CSMD3: variants seen among roughly 807,000 people sequenced by gnomAD.
The protein encoded by CSMD3 is CUB and Sushi multiple domains 3.
In CSMD3, 177 loss-of-function variants were observed where a neutral mutation model predicts 435.2. The ratio of observed to expected loss-of-function variants is 0.41; its 90% CI spans 0.36 to 0.46. The LOEUF (loss-of-function observed/expected upper bound fraction) is 0.46, where lower values mean the gene tolerates loss of function less well. CSMD3 is among the 20% of genes least tolerant of loss of function. CSMD3 has a pLI of 0.34. For missense variants in CSMD3, 4,265 were observed against 4,504.6 expected, an observed-to-expected ratio of 0.95 and a Z score of 1.52; for synonymous variants, 1,656 against 1,520.5, an observed-to-expected ratio of 1.09 and a Z score of -2.07.
intron 52 of CSMD3, among the ~76,000 whole-genome samples, chr8:112,303,090 G>T (rs1252173244): frequency 1.3e-5 from 2 of 151,990 alleles, no homozygotes; most frequent in African/African-American, 4.8e-5. Context: ...TTGAAAACCT[G>T]ATTAAATGAG....
intron 3 of CSMD3, among the ~76,000 whole-genome samples, chr8:113,229,048 C>T (rs2093057056): frequency 6.6e-6 from 1 of 151,556 alleles, no homozygotes; most frequent in African/African-American, 2.4e-5. Context: ...TCATGTATCT[C>T]CTTACTTTAG....
At chr8:113,330,495 T>C (rs1216188884) in intron 1 of CSMD3, among the ~76,000 whole-genome samples, 1 of 151,760 alleles carries the variant, frequency 6.6e-6, no homozygotes, top group Non-Finnish European at 1.5e-5. Context: ...GAATAAACAC[T>C]CCAATTAAAT....
intron 1 of CSMD3, among the ~76,000 whole-genome samples, chr8:113,424,454 C>CT (rs983640060): frequency 1.3e-5 from 2 of 151,392 alleles, no homozygotes; most frequent in African/African-American, 4.8e-5. Flanking sequence ...AATTTTCTTG[C>CT]TTTTTTTAGG....
At chr8:112,791,916 G>A (rs2078702629) in intron 13 of CSMD3, among the ~76,000 whole-genome samples, 1 of 152,050 alleles carries the variant, frequency 6.6e-6, no homozygotes, top group Admixed American at 6.6e-5. Flanking sequence ...ACTCTAGTGG[G>A]TATGTAGTAG....
rs182712086 is a variant in CSMD3, at chr8:112,420,569, T to C, written c.5396-11537A>G. ...TGTGTTGCTAATGTTACTTTTAATA[T>C]ATAAAATCTATAACCCACATCTTAT... On this transcript the variant is annotated intron_variant, in intron 32 of 70. Coordinates refer to ENST00000297405, the MANE Select transcript of CSMD3 (RefSeq NM_198123.2). Among the ~76,000 whole-genome samples, 75 of 152,272 alleles carry C rather than the reference T, an allele frequency of 4.9e-4. 1 individual carries two copies. The highest frequency in any genetic ancestry group is 3.4e-3 in the Middle Eastern group (1 of 294).
chr8:112,414,002 T>C (rs972973198), intron 32 of CSMD3, among the ~76,000 whole-genome samples: 2 of 152,142 alleles, frequency 1.3e-5, no homozygotes, highest in African/African-American at 2.4e-5. Flanking sequence ...CCAACAGTAC[T>C]GTTAGGGTGG....
chr8:112,235,676 C>T (rs927948029), intron 67 of CSMD3, among the ~76,000 whole-genome samples: 5 of 152,054 alleles, frequency 3.3e-5, no homozygotes, highest in Non-Finnish European at 7.4e-5. Context: ...TTCATTCTAA[C>T]TTAATTGTTC....
At chr8:112,319,123 T>C (rs777565430) in intron 46 of CSMD3, among the ~76,000 whole-genome samples, 173 bp from the exon 47 acceptor site, 1 of 152,124 alleles carries the variant, frequency 6.6e-6, no homozygotes, top group Non-Finnish European at 1.5e-5. Context: ...CAGTATATAA[T>C]ACTCATTGAC....
At position 112,921,744 on chromosome 8, in the gene CSMD3, A is replaced by G; in HGVS notation, c.1516T>C (p.Ser506Pro). 6.2e-7 allele frequency: 1 copy of G among 1,608,092 alleles called. No individual in the cohort carries two copies. Among genetic ancestry groups the G allele is most frequent in the Non-Finnish European group, 8.5e-7 (1 of 1,174,860 alleles). Residue 506 changes from serine (S) to proline (P), a missense_variant, in exon 10 of 71, where the codon TCA becomes CCA. Physicochemically the swap from Ser to Pro is moderately conservative, Grantham distance 74 (BLOSUM62 -1). Transcript: ENST00000297405. ...KRIGSDFSLGSTVQFSCDEDY... is the reference protein window; with the variant it reads ...KRIGSDFSLGPTVQFSCDEDY... ...TCATCACAAGAGAACTGCACAGTTG[A>G]TCCAAGGCTAAAGTTAAATAAAAGA... is the stretch of plus-strand genomic sequence containing the variant.
intron 32 of CSMD3, among the ~76,000 whole-genome samples, chr8:112,466,038 A>C (rs2130711909): frequency 6.6e-6 from 1 of 152,290 alleles, no homozygotes; most frequent in Admixed American, 6.5e-5. Context: ...GTAATGACAA[A>C]TAGTAAACGC....
chr8:112,937,947 C>T (rs1213799605), intron 9 of CSMD3, among the ~76,000 whole-genome samples: 1 of 151,988 alleles, frequency 6.6e-6, no homozygotes, highest in East Asian at 1.9e-4. Context: ...AAGAAGCACA[C>T]AAGTAAATTT....
intron 1 of CSMD3, among the ~76,000 whole-genome samples, chr8:113,404,215 G>C (rs1274999052): frequency 6.6e-6 from 1 of 151,232 alleles, no homozygotes. Context: ...AATACATACA[G>C]TTTATTCCTA....
At chr8:112,994,206 A>G (rs891738116) in intron 6 of CSMD3, among the ~76,000 whole-genome samples, 3 of 151,822 alleles carry the variant, frequency 2.0e-5, no homozygotes, top group Non-Finnish European at 2.9e-5. Context: ...AAGATGTGCA[A>G]TTGTGCTTGT....
chr8:113,409,389 A>G (rs940574741), intron 1 of CSMD3, among the ~76,000 whole-genome samples: 2 of 151,596 alleles, frequency 1.3e-5, no homozygotes, highest in African/African-American at 4.8e-5. Flanking sequence ...GGCCAATAAG[A>G]CATTTTACTA....
At chr8:112,556,737 A>C (rs1176762522) in intron 25 of CSMD3, 26 bp downstream of exon 25, 1 of 1,550,834 alleles carries the variant, frequency 6.4e-7, no homozygotes, top group East Asian at 2.2e-5. Flanking sequence ...AGAAATATTC[A>C]ATGAAAATCT....
chr8:112,241,833 C>T lies in CSMD3; in HGVS notation c.10403-48G>A, dbSNP rs371632647. ...TTACAAAAGTTGATGCAATTAATTA[C>T]ATACACATGCGCACACACACACACG... On this transcript the variant is annotated intron_variant, in intron 65 of 70. Coordinates refer to ENST00000297405, the MANE Select transcript of CSMD3 (RefSeq NM_198123.2). 3.2e-6 allele frequency: 3 copies of T among 951,664 alleles called. No homozygotes were observed. In the African/African-American group the frequency reaches 7.3e-5, roughly 23 times the overall value. 59.0% of individuals were successfully genotyped at this position (951,664 alleles called of 1,614,324 possible). A position where few individuals can be genotyped will look rare whatever the true frequency, so the allele number is the denominator to read the frequency against.
chr8:113,435,074 A>G (rs1162642165), intron 1 of CSMD3, among the ~76,000 whole-genome samples: 2 of 152,274 alleles, frequency 1.3e-5, no homozygotes, highest in African/African-American at 2.4e-5. Flanking sequence ...ACCAACTCCC[A>G]GTGGCAGGCG....
chr8:112,670,142 GGATGAAATCAAGAATGAA>G (rs981278382), intron 16 of CSMD3, among the ~76,000 whole-genome samples: 1 of 152,092 alleles, frequency 6.6e-6, no homozygotes, highest in Non-Finnish European at 1.5e-5. Context: ...AGATTAAACA[GGATGAAATCAAGAATGAA>G]GATGAAATCA....
intron 3 of CSMD3, among the ~76,000 whole-genome samples, chr8:113,184,746 T>G (rs1413398736): frequency 6.6e-6 from 1 of 151,942 alleles, no homozygotes; most frequent in Non-Finnish European, 1.5e-5. Context: ...CTTATCAGCT[T>G]CCGAAAGCAG....
Sources: allele counts gnomAD v4.1 joint callset (sites outside exome capture counted in the v4.1 genomes callset), GRCh38; gene constraint gnomAD v4.1.1; transcripts MANE v1.5; gene names NCBI Gene and HGNC (gene_info 2026-07-23, HGNC 2026-07-21).